The following PCNX1 variants were observed in gnomAD, a reference collection of about 807,000 sequenced individuals.
PCNX1 encodes pecanex-like protein 1.
A neutral mutation model predicts 242.2 loss-of-function variants in PCNX1; 78 were observed. That is an observed-to-expected ratio of 0.32 (90% CI 0.27 to 0.39). The LOEUF (loss-of-function observed/expected upper bound fraction) is 0.39, where lower values mean the gene tolerates loss of function less well. Ranked by LOEUF, PCNX1 falls within the 10% of genes least tolerant of loss-of-function variation. PCNX1 has a pLI of 1.00. For synonymous variants in PCNX1, 1,024 were observed against 1,032.9 expected (o/e 0.99, Z 0.17); for missense variants, 2,581 against 2,856.5 (o/e 0.90, Z 2.20).
chr14:71,075,606 A>G (rs2061697562), intron 27 of PCNX1, among the ~76,000 whole-genome samples: 7 of 152,102 alleles, frequency 4.6e-5, no homozygotes, highest in Admixed American at 4.6e-4. Flanking sequence ...TGTAAAATCC[A>G]TAGATTAGGG....
intron 32 of PCNX1, 84 bp from the exon 33 acceptor site, chr14:71,105,151 G>T: frequency 9.8e-7 from 1 of 1,023,844 alleles, no homozygotes; most frequent in East Asian, 2.5e-5. Context: ...AGCATTTGCA[G>T]TTCAGAATAG....
chr14:71,015,644 T>C (rs1215910325), intron 11 of PCNX1, among the ~76,000 whole-genome samples: 2 of 152,090 alleles, frequency 1.3e-5, no homozygotes, highest in Non-Finnish European at 2.9e-5. Context: ...AACATATTTT[T>C]AAAAATTCTT....
intron 9 of PCNX1, chr14:71,009,955 T>C (rs1261891151): frequency 2.9e-5 from 10 of 346,054 alleles, no homozygotes; most frequent in Non-Finnish European, 5.2e-5. Context: ...ATACTTATAA[T>C]CTTGTTTGCG....
intron 19 of PCNX1, among the ~76,000 whole-genome samples, chr14:71,040,221 A>G (rs1331220813): frequency 1.3e-5 from 2 of 152,100 alleles, no homozygotes; most frequent in Admixed American, 6.6e-5. Flanking sequence ...TTATTTCGCT[A>G]TTGGTATTGA....
intron 6 of PCNX1, among the ~76,000 whole-genome samples, chr14:70,981,759 T>TGAA (rs2058846245): frequency 6.6e-6 from 1 of 152,240 alleles, no homozygotes; most frequent in African/African-American, 2.4e-5. Flanking sequence ...CTGTGTTTTC[T>TGAA]AGCCTGTATT....
intron 1 of PCNX1, among the ~76,000 whole-genome samples, chr14:70,921,868 C>T (rs1594898572): frequency 6.6e-6 from 1 of 152,136 alleles, no homozygotes; most frequent in Admixed American, 6.5e-5. Context: ...AACATTATGA[C>T]ACATCACCCC....
chr14:71,053,728 TTAAC>T (rs2061104845), intron 24 of PCNX1, among the ~76,000 whole-genome samples: 1 of 152,238 alleles, frequency 6.6e-6, no homozygotes. Context: ...TGTTTACTTA[TTAAC>T]TAATTTAAAA....
In PCNX1 at chr14:71,103,632, G is replaced by A; in HGVS notation, c.6058G>A (p.Gly2020Arg). The A allele has an allele frequency of 6.2e-7, 1 of 1,614,006 alleles. No individual in the cohort carries two copies. The change falls in exon 32 of 36, where the codon GGA becomes AGA. Residue 2020 changes from glycine to arginine, a missense_variant. Gly to Arg is a moderately radical substitution (Grantham distance 125, BLOSUM62 -2). Around this residue, in one of 9 missense-constraint regions of PCNX1, gnomAD observed 432 missense variants for 433.6 expected, o/e 1.00. Transcript: ENST00000304743. ...KDILGGPISLGNIRNFIVSTW... is the reference protein window; with the variant it reads ...KDILGGPISLRNIRNFIVSTW... ...CATTCTTGGGGGTCCTATCAGCTTG[G>A]GAAATATCAGGAACTTCATAGTGTC... is the stretch of plus-strand genomic sequence containing the variant.
At chr14:71,016,233 T>C (rs1176461845) in intron 11 of PCNX1, among the ~76,000 whole-genome samples, 3 of 152,208 alleles carry the variant, frequency 2.0e-5, no homozygotes, top group African/African-American at 7.2e-5. Context: ...TTTGTACACC[T>C]GAAACAGAGC....
intron 5 of PCNX1, among the ~76,000 whole-genome samples, chr14:70,974,859 A>G (rs2058648446): frequency 6.6e-6 from 1 of 152,192 alleles, no homozygotes; most frequent in Non-Finnish European, 1.5e-5. Context: ...CTTTGATATA[A>G]TCTTTTTCAT....
intron 7 of PCNX1, among the ~76,000 whole-genome samples, chr14:70,994,398 T>TAGATAG (rs1020077571): frequency 7.7e-5 from 2 of 26,016 alleles, no homozygotes; most frequent in African/African-American, 2.7e-4. Flanking sequence ...AGGCTTAAGA[T>TAGATAG]ATATATATAT....
chr14:71,091,799 T>C (rs899574862), intron 30 of PCNX1, among the ~76,000 whole-genome samples: 7 of 152,194 alleles, frequency 4.6e-5, no homozygotes, highest in African/African-American at 1.7e-4. Context: ...GTGGTACATA[T>C]TAATATTATA....
At position 71,088,448 on chromosome 14, in the gene PCNX1, G is replaced by C; in HGVS notation, c.5438+18G>C. 1 of 1,459,498 alleles carries C rather than the reference G, an allele frequency of 6.9e-7. No individual in the cohort carries two copies. Among genetic ancestry groups the C allele is most frequent in the South Asian group, 1.1e-5 (1 of 87,532 alleles). The allele number at this position is 1,459,498 out of a possible 1,614,324, so 90.4% of individuals were successfully genotyped here. A position where few individuals can be genotyped will look rare whatever the true frequency, so the allele number is the denominator to read the frequency against. ...ATGTCCAGGTAAAGAAGGCATTTCTGTTCTGAGGAAGAGAGCATGGGAAGC... is the reference window on the plus strand; with the variant it reads ...ATGTCCAGGTAAAGAAGGCATTTCTCTTCTGAGGAAGAGAGCATGGGAAGC... On this transcript the variant is annotated intron_variant, in intron 29 of 35. Coordinates refer to ENST00000304743, the MANE Select transcript of PCNX1 (RefSeq NM_014982.3).
chr14:70,912,324 G>C (rs1432423588), intron 1 of PCNX1, among the ~76,000 whole-genome samples: 1 of 152,168 alleles, frequency 6.6e-6, no homozygotes, highest in Admixed American at 6.5e-5. Context: ...AGAATCACTT[G>C]ACAATGTTAA....
chr14:71,076,578 A>G (rs1202152947), intron 28 of PCNX1, among the ~76,000 whole-genome samples, 159 bp downstream of exon 28: 3 of 152,192 alleles, frequency 2.0e-5, no homozygotes, highest in Non-Finnish European at 4.4e-5. Flanking sequence ...GGGCCAAACC[A>G]GCTCTGCCAA....
At chr14:71,014,636 GATT>G (rs2059911396) in intron 11 of PCNX1, among the ~76,000 whole-genome samples, 2 of 152,134 alleles carry the variant, frequency 1.3e-5, no homozygotes, top group South Asian at 2.1e-4. Flanking sequence ...TAGAAGAAAA[GATT>G]ATTGAACTCA....
At chr14:71,105,154 C>A in intron 32 of PCNX1, 81 bp from the exon 33 acceptor site, 1 of 1,052,480 alleles carries the variant, frequency 9.5e-7, no homozygotes. Flanking sequence ...ATTTGCAGTT[C>A]AGAATAGCTG....
chr14:71,104,248 A>T (rs2062546804), intron 32 of PCNX1, among the ~76,000 whole-genome samples: 1 of 152,202 alleles, frequency 6.6e-6, no homozygotes, highest in Admixed American at 6.5e-5. Flanking sequence ...TGGATGATGA[A>T]GAAATATTGC....
At chr14:71,084,098 C>T (rs192132656) in intron 28 of PCNX1, among the ~76,000 whole-genome samples, 1 of 152,326 alleles carries the variant, frequency 6.6e-6, no homozygotes, top group African/African-American at 2.4e-5. Context: ...TTCCTTCTAA[C>T]AGGCCCCTCT....
Sources: allele counts gnomAD v4.1 joint callset (sites outside exome capture counted in the v4.1 genomes callset), GRCh38; gene constraint gnomAD v4.1.1; regional missense constraint gnomAD v4.1.1; transcripts MANE v1.5; gene names NCBI Gene and HGNC (gene_info 2026-07-23, HGNC 2026-07-21).